PHF21B: variants seen among roughly 807,000 people sequenced by gnomAD.
PHF21B encodes PHD finger protein 4.
PHF21B carries 22 observed loss-of-function variants against 62.2 expected under a neutral mutation model. The ratio of observed to expected loss-of-function variants is 0.35; its 90% CI spans 0.25 to 0.51. The LOEUF is 0.51. Ranked by LOEUF, PHF21B falls within the 20% of genes least tolerant of loss-of-function variation. PHF21B has a pLI of 0.97. For synonymous variants in PHF21B, 341 were observed against 314.7 expected (o/e 1.08, Z -0.88); for missense variants, 701 against 707.9 (o/e 0.99, Z 0.11).
chr22:44,994,456 G>A (rs968384), intron 2 of PHF21B, among the ~76,000 whole-genome samples: 18,903 of 152,266 alleles, frequency 0.12, 1,790 homozygotes, highest in East Asian at 0.3. Flanking sequence ...AAGCAAGAGA[G>A]GGGCCTCCCC....
chr22:44,892,609 TC>T (rs35488931), intron 7 of PHF21B, among the ~76,000 whole-genome samples: 3 of 152,160 alleles, frequency 2.0e-5, no homozygotes, highest in Non-Finnish European at 2.9e-5. Flanking sequence ...GGACATCGTT[TC>T]CCTCAGGACA....
intron 2 of PHF21B, among the ~76,000 whole-genome samples, chr22:44,993,240 G>C (rs921773115): frequency 3.3e-5 from 5 of 152,172 alleles, no homozygotes; most frequent in African/African-American, 1.2e-4. Context: ...ACAACACAGA[G>C]ACACTGAGCC....
rs1569229010 is a variant in PHF21B at position 44,920,930 on chromosome 22, G to A, written c.121-440C>T. Reference sequence around the variant, plus strand: ...TCTACTCTTGGAAATTTGAGTTCTAGCTCCATCTTTTTCCAGTTAATAAAC... The same window carrying A: ...TCTACTCTTGGAAATTTGAGTTCTAACTCCATCTTTTTCCAGTTAATAAAC... On this transcript the variant is annotated intron_variant, in intron 2 of 12. Transcript: ENST00000313237. Among the ~76,000 whole-genome samples, 3 of 152,188 alleles carry A rather than the reference G, an allele frequency of 2.0e-5. No homozygotes were observed. The South Asian group carries it at 6.2e-4, about 32-fold the overall frequency.
At chr22:44,891,410 T>G (rs1487720390) in intron 7 of PHF21B, 50 bp from the exon 8 acceptor site, 1 of 1,596,402 alleles carries the variant, frequency 6.3e-7, no homozygotes, top group Non-Finnish European at 8.5e-7. Flanking sequence ...GGAGGCTCTC[T>G]TCGATGGTGA....
Position 45,009,069 on chromosome 22 carries a change from G to A in PHF21B, c.54+427C>T. ...CCGCTCAGGCTCCGGCCGCCACGCC[G>A]CCGCTCGCCAGCAGCGATCGCCAAA... On this transcript the variant is annotated intron_variant, in intron 1 of 12. Coordinates refer to ENST00000313237, the MANE Select transcript of PHF21B (RefSeq NM_138415.5). The surrounding 1 kb of genome is among the most constrained non-coding windows in gnomAD (Gnocchi z 5.9). 1.8e-6 allele frequency: 2 copies of A among 1,110,050 alleles called. No homozygotes were observed. The highest frequency in any genetic ancestry group is 3.7e-4 in the Middle Eastern group (1 of 2,692). 68.8% of individuals were successfully genotyped at this position (1,110,050 alleles called of 1,614,324 possible).
chr22:44,978,272 G>A (rs2072775320), intron 2 of PHF21B, among the ~76,000 whole-genome samples: 2 of 152,048 alleles, frequency 1.3e-5, no homozygotes, highest in African/African-American at 2.4e-5. Flanking sequence ...TCACACCCAG[G>A]AGCCCCCAAC....
intron 2 of PHF21B, among the ~76,000 whole-genome samples, chr22:44,956,000 G>T (rs895388259): frequency 1.1e-4 from 16 of 152,174 alleles, no homozygotes; most frequent in Non-Finnish European, 1.8e-4. Flanking sequence ...AGGGAGGCAC[G>T]GTGCTTTGTC....
At chr22:44,937,447 C>G (rs117270197) in intron 2 of PHF21B, among the ~76,000 whole-genome samples, 6 of 152,192 alleles carry the variant, frequency 3.9e-5, no homozygotes, top group Non-Finnish European at 7.3e-5. Flanking sequence ...TGGGCCATCA[C>G]GGAGTAGCCG....
At chr22:44,962,735 T>C (rs771103396) in intron 2 of PHF21B, among the ~76,000 whole-genome samples, 4 of 151,968 alleles carry the variant, frequency 2.6e-5, no homozygotes, top group Non-Finnish European at 2.9e-5. Context: ...AGGTACTATA[T>C]GGACACATGC....
chr22:44,896,887 T>TTTTTTTTTGTTTG (rs1569213308), intron 5 of PHF21B, among the ~76,000 whole-genome samples: 2 of 143,344 alleles, frequency 1.4e-5, no homozygotes, highest in Non-Finnish European at 3.0e-5. Context: ...TCTGTTTTTT[T>TTTTTTTTTGTTTG]TTTTTTTTTG....
chr22:44,970,024 A>G (rs1453419789), intron 2 of PHF21B, among the ~76,000 whole-genome samples: 1 of 151,944 alleles, frequency 6.6e-6, no homozygotes, highest in Non-Finnish European at 1.5e-5. Flanking sequence ...CAGGTGGTCA[A>G]CTCTACAGGT....
At chr22:44,889,911 C>T in intron 8 of PHF21B, 129 bp from the exon 9 acceptor site, 8 of 943,896 alleles carry the variant, frequency 8.5e-6, no homozygotes, top group Non-Finnish European at 1.2e-5. Flanking sequence ...ATCATAAGGC[C>T]CCCATGATAC....
rs143635971 is a variant in PHF21B at position 44,895,790 on chromosome 22, G to A, written c.883+242C>T. 2.6e-3 allele frequency among the ~76,000 whole-genome samples: 391 copies of A among 152,264 alleles called. 5 individuals carry two copies. Among genetic ancestry groups the A allele is most frequent in the African/African-American group, 8.8e-3 (367 of 41,566 alleles). ...TCTGGAAGGCTTCTCTGTCTTGTTCGTCTTTGATGACAGCCACCCAGCCTC... is the reference window on the plus strand; with the variant it reads ...TCTGGAAGGCTTCTCTGTCTTGTTCATCTTTGATGACAGCCACCCAGCCTC... On this transcript the variant is annotated intron_variant, in intron 6 of 12. Coordinates refer to ENST00000313237, the MANE Select transcript of PHF21B (RefSeq NM_138415.5).
At chr22:44,933,786 C>T (rs1045930153) in intron 2 of PHF21B, among the ~76,000 whole-genome samples, 1 of 151,996 alleles carries the variant, frequency 6.6e-6, no homozygotes, top group Non-Finnish European at 1.5e-5. Context: ...CACATGACTG[C>T]CCCAAGCAAG....
At chr22:45,001,493 T>C (rs2073217422) in intron 2 of PHF21B, among the ~76,000 whole-genome samples, 4 of 152,074 alleles carry the variant, frequency 2.6e-5, no homozygotes. Context: ...GCCAGACATC[T>C]CACACAAATA....
chr22:44,886,555 T>C (rs2147246170), intron 10 of PHF21B, among the ~76,000 whole-genome samples: 1 of 151,912 alleles, frequency 6.6e-6, no homozygotes, highest in Non-Finnish European at 1.5e-5. Context: ...GCCATGGTGG[T>C]GTGTACCTGT....
intron 9 of PHF21B, 71 bp downstream of exon 9, chr22:44,889,689 G>C (rs2070926261): frequency 3.3e-6 from 5 of 1,523,286 alleles, no homozygotes; most frequent in Non-Finnish European, 4.4e-6. Flanking sequence ...TTCCAGGAGG[G>C]ACCCTATGAG....
chr22:44,926,579 G>A (rs1448732537), intron 2 of PHF21B, among the ~76,000 whole-genome samples: 1 of 152,250 alleles, frequency 6.6e-6, no homozygotes, highest in Non-Finnish European at 1.5e-5. Context: ...GGGTTGCTGT[G>A]TGAAGTTGCT....
chr22:44,916,348 T>C lies in PHF21B; in HGVS notation c.496A>G (p.Ser166Gly). 1 of 1,597,746 alleles carries C rather than the reference T, an allele frequency of 6.3e-7. No homozygotes were observed. The highest frequency in any genetic ancestry group is 1.3e-5 in the African/African-American group (1 of 74,226). ...SPSNAAAMAPSTAVSVVSDSI... is the reference protein window; with the variant it reads ...SPSNAAAMAPGTAVSVVSDSI... ...TCACTGACCACAGACACGGCGGTGCTGGGGGCCATGGCGGCGGCATTGCTG... is the reference window on the plus strand; with the variant it reads ...TCACTGACCACAGACACGGCGGTGCCGGGGGCCATGGCGGCGGCATTGCTG... Residue 166 changes from serine (S) to glycine (G), a missense_variant, in exon 4 of 13, where the codon AGC (serine) becomes GGC (glycine). By Grantham distance (56) the Ser-to-Gly change is moderately conservative. Transcript: ENST00000313237.
Sources: allele counts gnomAD v4.1 joint callset (sites outside exome capture counted in the v4.1 genomes callset), GRCh38; gene constraint gnomAD v4.1.1; non-coding constraint Gnocchi (gnomAD v3.1); transcripts MANE v1.5; gene names NCBI Gene and HGNC (gene_info 2026-07-23, HGNC 2026-07-21).